SHPRH: variants seen among roughly 807,000 people sequenced by gnomAD.
The protein encoded by SHPRH is E3 ubiquitin-protein ligase SHPRH.
SHPRH carries 106 observed loss-of-function variants against 202.5 expected under a neutral mutation model. The ratio of observed to expected loss-of-function variants is 0.52; its 90% CI spans 0.45 to 0.62. The LOEUF (loss-of-function observed/expected upper bound fraction) is 0.62. Ranked by LOEUF, SHPRH falls within the 20% of genes least tolerant of loss-of-function variation. The pLI, the probability that SHPRH is intolerant of heterozygous loss-of-function variation, is 0.00. For synonymous variants in SHPRH, 729 were observed against 686.0 expected, an observed-to-expected ratio of 1.06 and a Z score of -0.98; for missense variants, 1,710 against 2,020.0, an observed-to-expected ratio of 0.85 and a Z score of 2.94.
intron 23 of SHPRH, among the ~76,000 whole-genome samples, chr6:145,915,975 T>C (rs1394605677): frequency 6.6e-6 from 1 of 152,132 alleles, no homozygotes; most frequent in African/African-American, 2.4e-5. Context: ...GCTAGATCTA[T>C]GAAATTACAA....
chr6:145,930,505 G>A (rs907965779), intron 14 of SHPRH, among the ~76,000 whole-genome samples: 19 of 152,228 alleles, frequency 1.2e-4, no homozygotes, highest in African/African-American at 4.6e-4. Flanking sequence ...AGGTTTAGAA[G>A]TGTGTTATTT....
rs117945700 is a variant in SHPRH at position 145,878,229 on chromosome 6, C to T, written c.221+9791G>A. ...GTTCTCATATACCCCTGCCTCCCCC[C>T]AACCCCATGCACAACCTTTCCTACT... On this transcript the variant is annotated intron_variant, in intron 2 of 2. Coordinates refer to the SHPRH transcript ENST00000417762. Among the ~76,000 whole-genome samples the T allele has an allele frequency of 4.2e-3, 635 of 152,292 alleles. 18 individuals carry two copies. In the East Asian group the frequency reaches 0.071, roughly 17 times the overall value.
chr6:145,880,297 C>CA (rs954629298), downstream of SHPRH, among the ~76,000 whole-genome samples: 3 of 152,000 alleles, frequency 2.0e-5, no homozygotes, highest in African/African-American at 7.2e-5. Context: ...TCTACATTTC[C>CA]TCTGCAAAAT....
intron 13 of SHPRH, among the ~76,000 whole-genome samples, chr6:145,934,166 C>A (rs1466558441): frequency 6.6e-6 from 1 of 151,952 alleles, no homozygotes; most frequent in Non-Finnish European, 1.5e-5. Flanking sequence ...TAGCGAGGCC[C>A]TGTCTCTACA....
At chr6:145,894,053 A>C (rs1781794088) in intron 27 of SHPRH, 97 bp downstream of exon 27, 1 of 796,668 alleles carries the variant, frequency 1.3e-6, no homozygotes, top group African/African-American at 1.8e-5. Flanking sequence ...TATGTGGCTT[A>C]TATGGCATGA....
chr6:145,912,293 G>A (rs1319767848), intron 24 of SHPRH, among the ~76,000 whole-genome samples: 2 of 152,004 alleles, frequency 1.3e-5, no homozygotes, highest in Non-Finnish European at 2.9e-5. Context: ...ACTATATATT[G>A]TAAGTATGAA....
At position 145,947,659 on chromosome 6, in the gene SHPRH, A is replaced by C. The variant is rs751493461; in HGVS notation, c.1062-16T>G. On this transcript the variant is annotated splice_polypyrimidine_tract_variant and intron_variant, in intron 5 of 29. Transcript: ENST00000275233. ...ACGAATGATGCTGAGGAAAAAAACAAGATAAATCACATCATAGGAATGTGA... is the reference window on the plus strand; with the variant it reads ...ACGAATGATGCTGAGGAAAAAAACACGATAAATCACATCATAGGAATGTGA... 1 of 1,611,390 alleles carries C rather than the reference A, an allele frequency of 6.2e-7. No individual in the cohort carries two copies. The highest frequency in any genetic ancestry group is 1.1e-5 in the South Asian group (1 of 90,830).
chr6:145,932,854 T>C (rs1177780330), intron 14 of SHPRH, among the ~76,000 whole-genome samples: 1 of 152,212 alleles, frequency 6.6e-6, no homozygotes, highest in Non-Finnish European at 1.5e-5. Flanking sequence ...GGTTAAATCA[T>C]ATGTAAACTT....
chr6:145,911,298 A>G (rs1783469476), intron 24 of SHPRH, among the ~76,000 whole-genome samples: 1 of 151,986 alleles, frequency 6.6e-6, no homozygotes, highest in Admixed American at 6.6e-5. Flanking sequence ...TGCCACGACC[A>G]GCTAATTTTT....
At chr6:145,913,156 T>C (rs1292601670) in intron 24 of SHPRH, among the ~76,000 whole-genome samples, 14 of 152,160 alleles carry the variant, frequency 9.2e-5, no homozygotes, top group East Asian at 1.9e-4. Flanking sequence ...TGTATAATTA[T>C]TGAATAACTA....
At chr6:145,927,862 G>C (rs1785028214) in intron 14 of SHPRH, among the ~76,000 whole-genome samples, 1 of 151,820 alleles carries the variant, frequency 6.6e-6, no homozygotes, top group Non-Finnish European at 1.5e-5. Flanking sequence ...CACAAATCAT[G>C]GTCTGAGATG....
rs117935655 is a variant in SHPRH at position 145,890,488 on chromosome 6, C to T, written c.4875-2388G>A. On this transcript the variant is annotated intron_variant, in intron 28 of 29. Transcript: ENST00000275233. ...AACCTCTTCTTTGAGGTACATTTTT[C>T]ACTTGGTTCCTAGGACACTCCTGTC... 4.1e-3 allele frequency among the ~76,000 whole-genome samples: 628 copies of T among 152,192 alleles called. 14 individuals are homozygous for T. In the East Asian group the frequency reaches 0.07, roughly 17 times the overall value.
intron 27 of SHPRH, 100 bp from the exon 28 acceptor site, chr6:145,893,493 T>C (rs1781746266): frequency 2.8e-6 from 3 of 1,090,838 alleles, no homozygotes; most frequent in Non-Finnish European, 2.5e-6. Context: ...TCTATTACTA[T>C]TGTGAAAGGT....
downstream of SHPRH, among the ~76,000 whole-genome samples, chr6:145,880,225 TCTA>T (rs1221323004): frequency 1.3e-5 from 2 of 152,194 alleles, no homozygotes; most frequent in Non-Finnish European, 2.9e-5. Context: ...AGGTGCTTTA[TCTA>T]CTTTTTGACT....
rs1379294123 is a variant in SHPRH, at chr6:145,950,490, TCA to T, written c.764-10_764-9del. ...CATCCTCTTCCAACACATCTGTACA[TCA>T]CACAGCAAATGTACTCAAAAACTGA... On this transcript the variant is annotated splice_polypyrimidine_tract_variant and intron_variant, in intron 3 of 29. Coordinates refer to ENST00000275233, the MANE Select transcript of SHPRH (RefSeq NM_001042683.3). 6.2e-7 allele frequency: 1 copy of T among 1,611,132 alleles called. No homozygotes were observed. Among genetic ancestry groups the T allele is most frequent in the Non-Finnish European group, 8.5e-7 (1 of 1,178,096 alleles).
intron 21 of SHPRH, among the ~76,000 whole-genome samples, chr6:145,920,806 A>C (rs541677264): frequency 2.7e-4 from 41 of 152,116 alleles, no homozygotes; most frequent in Non-Finnish European, 5.4e-4. Context: ...CCCAATCTTT[A>C]AGGTAGCTGA....
intron 1 of SHPRH, 137 bp from the exon 2 acceptor site, chr6:145,955,491 T>C (rs1025951637): frequency 4.0e-6 from 3 of 742,634 alleles, no homozygotes; most frequent in Non-Finnish European, 6.2e-6. Context: ...AGGCAATGAG[T>C]AATTTTTTTA....
At chr6:145,959,000 C>CT (rs1491516182) in intron 1 of SHPRH, among the ~76,000 whole-genome samples, 21 of 151,144 alleles carry the variant, frequency 1.4e-4, no homozygotes, top group Admixed American at 4.0e-4. Flanking sequence ...GCCCAGCTAA[C>CT]TTTTTTTTTG....
chr6:145,903,935 G>A (rs1782725205), intron 25 of SHPRH: 1 of 152,034 alleles, frequency 6.6e-6, no homozygotes, highest in Non-Finnish European at 1.5e-5. Context: ...GGTTCCAAAG[G>A]TCATTTAGGA....
Sources: allele counts gnomAD v4.1 joint callset (sites outside exome capture counted in the v4.1 genomes callset), GRCh38; gene constraint gnomAD v4.1.1; transcripts MANE v1.5; gene names NCBI Gene and HGNC (gene_info 2026-07-23, HGNC 2026-07-21).